The following EXTL3 variants were observed in gnomAD, a reference collection of about 807,000 sequenced individuals.
EXTL3 encodes exostosin-like 3.
A neutral mutation model predicts 69.3 loss-of-function variants in EXTL3; 27 were observed. The ratio of observed to expected loss-of-function variants is 0.39; its 90% CI spans 0.29 to 0.54. The LOEUF (loss-of-function observed/expected upper bound fraction) is 0.54. EXTL3 is among the 20% of genes least tolerant of loss of function. The pLI, the probability that EXTL3 is intolerant of heterozygous loss-of-function variation, is 0.69. For missense variants in EXTL3, 1,003 were observed against 1,231.8 expected (o/e 0.81, Z 2.78); for synonymous variants, 511 against 499.4 (o/e 1.02, Z -0.31).
intron 1 of EXTL3, among the ~76,000 whole-genome samples, chr8:28,675,974 A>C (rs1021634295): frequency 6.8e-6 from 1 of 147,276 alleles, no homozygotes; most frequent in African/African-American, 2.5e-5. Context: ...GTGAGCCAAG[A>C]TCATGCCACT....
At position 28,716,363 on chromosome 8, in the gene EXTL3, G is replaced by C; in HGVS notation, c.304G>C (p.Glu102Gln). 2 of 1,614,046 alleles carry C rather than the reference G, an allele frequency of 1.2e-6. No homozygotes were observed. Among genetic ancestry groups the C allele is most frequent in the South Asian group, 1.1e-5 (1 of 91,080 alleles). ...CCTGCAGCTGGAGGCCAAGCGCCAA[G>C]AGCTGAACAGCGAGATCGCCAAGCT... Reference protein sequence around the residue: ...ELLQLEAKRQELNSEIAKLNL... With the variant: ...ELLQLEAKRQQLNSEIAKLNL... Residue 102 changes from glutamate (E) to glutamine (Q), a missense_variant, in exon 3 of 7, where the codon GAG becomes CAG. Glu to Gln is a conservative substitution (Grantham distance 29). Around this residue, in one of 2 missense-constraint regions of EXTL3, gnomAD observed 742 missense variants for 815.4 expected, o/e 0.91. Transcript: ENST00000220562. This position sits in a 1 kb window ranked among gnomAD's most constrained non-coding sequence, Gnocchi z 7.1.
At chr8:28,661,855 A>C (rs1807121065) in intron 1 of EXTL3, among the ~76,000 whole-genome samples, 3 of 151,974 alleles carry the variant, frequency 2.0e-5, no homozygotes, top group African/African-American at 7.2e-5. Flanking sequence ...ACTGCACTCC[A>C]GCCTGGGCAA....
chr8:28,670,783 A>C (rs1807273639), intron 1 of EXTL3, among the ~76,000 whole-genome samples: 2 of 152,180 alleles, frequency 1.3e-5, no homozygotes, highest in South Asian at 4.1e-4. Context: ...CACCTGAATA[A>C]CGTCTGACCC....
rs1807111167 is a variant in EXTL3 at position 28,661,331 on chromosome 8, G to A, written c.-53+38521G>A. On this transcript the variant is annotated intron_variant, in intron 1 of 6. Coordinates refer to the EXTL3 transcript ENST00000523149. ...ATTCATGTTGAGGCTTTATGTATATGAGCTTTATGTTTTATATATATATAT... is the reference window on the plus strand; with the variant it reads ...ATTCATGTTGAGGCTTTATGTATATAAGCTTTATGTTTTATATATATATAT... Among the ~76,000 whole-genome samples the A allele has an allele frequency of 2.0e-5, 3 of 151,298 alleles. No individual in the cohort carries two copies. In the Admixed American group the frequency reaches 2.0e-4, roughly 10 times the overall value.
intron 1 of EXTL3, among the ~76,000 whole-genome samples, chr8:28,636,598 G>A (rs376491043): frequency 3.9e-5 from 6 of 152,334 alleles, no homozygotes; most frequent in African/African-American, 1.4e-4. Context: ...CACAGTTTGA[G>A]TTGGTTTTTT....
chr8:28,670,943 C>T (rs1456968363), intron 1 of EXTL3, among the ~76,000 whole-genome samples: 1 of 151,552 alleles, frequency 6.6e-6, no homozygotes, highest in South Asian at 2.1e-4. Flanking sequence ...AATCTTTACT[C>T]CCTTTCCTGA....
At chr8:28,626,268 A>G (rs1806490067) in intron 1 of EXTL3, among the ~76,000 whole-genome samples, 1 of 152,158 alleles carries the variant, frequency 6.6e-6, no homozygotes, top group African/African-American at 2.4e-5. Flanking sequence ...GACTAAAGAA[A>G]GAGGACGGGG....
intron 1 of EXTL3, among the ~76,000 whole-genome samples, chr8:28,639,702 A>G (rs980275165): frequency 2.0e-5 from 3 of 152,318 alleles, no homozygotes; most frequent in African/African-American, 4.8e-5. Flanking sequence ...CAAGTTAGAC[A>G]TAACTTCACC....
At position 28,753,426 on chromosome 8, in the gene EXTL3, G is replaced by A. The variant is rs570753212; in HGVS notation, c.*2560G>A. The A allele has an allele frequency of 1.3e-5, 2 of 152,696 alleles. No homozygotes were observed. Among genetic ancestry groups the A allele is most frequent in the South Asian group, 2.1e-4 (1 of 4,832 alleles). 9.5% of individuals were successfully genotyped at this position (152,696 alleles called of 1,614,324 possible). Reference sequence around the variant, plus strand: ...ATAACACCGTCCCAGGGCTCTGCAGGCCACTGTGAGCGCTGGCTCCCTGGG... The same window carrying A: ...ATAACACCGTCCCAGGGCTCTGCAGACCACTGTGAGCGCTGGCTCCCTGGG... On this transcript the variant is annotated 3_prime_UTR_variant, in exon 7 of 7. Transcript: ENST00000220562.
upstream of EXTL3, among the ~76,000 whole-genome samples, chr8:28,617,915 A>G (rs942986613): frequency 3.3e-5 from 5 of 152,352 alleles, no homozygotes; most frequent in African/African-American, 9.6e-5. Flanking sequence ...GCACGATTCC[A>G]TTTATATGAA....
At chr8:28,690,072 A>G (rs1024508769) in intron 1 of EXTL3, among the ~76,000 whole-genome samples, 2 of 152,212 alleles carry the variant, frequency 1.3e-5, no homozygotes, top group Non-Finnish European at 2.9e-5. Context: ...TGGCTGAAAT[A>G]GGATAAAAGG....
chr8:28,726,879 C>CTTTTTTTTTTTTTTTTT (rs11458194), intron 3 of EXTL3, among the ~76,000 whole-genome samples: 1 of 99,946 alleles, frequency 1.0e-5, no homozygotes, highest in African/African-American at 4.1e-5. Context: ...CTTTTCTTTT[C>CTTTTTTTTTTTTTTTTT]TTTTTTTTTT....
intron 1 of EXTL3, among the ~76,000 whole-genome samples, chr8:28,702,216 G>C (rs963477261): frequency 6.6e-6 from 1 of 152,062 alleles, no homozygotes; most frequent in African/African-American, 2.4e-5. Flanking sequence ...TCTTTTTGCC[G>C]GGCTCGCCTC....
rs1468569249 is a variant in EXTL3, at chr8:28,682,506, G to A, written c.-52-30951G>A. Among the ~76,000 whole-genome samples, 6 of 151,920 alleles carry A rather than the reference G, an allele frequency of 3.9e-5. No individual in the cohort carries two copies. In the East Asian group the frequency reaches 9.6e-4, roughly 24 times the overall value. On this transcript the variant is annotated intron_variant, in intron 1 of 6. Transcript: ENST00000523149. ...TGCCCAGGCTGGAGTGCAATTGTGC[G>A]ATCTCGGCTCACTGCAACCACTGCT...
chr8:28,715,915 G>GT lies in EXTL3; in HGVS notation c.-143dup, dbSNP rs1351907191. 27 of 662,250 alleles carry GT rather than the reference G, an allele frequency of 4.1e-5. No individual in the cohort carries two copies. The East Asian group carries it at 7.0e-4, about 17-fold the overall frequency. The allele number at this position is 662,250 out of a possible 1,614,324, so 41.0% of individuals were successfully genotyped here. A position where few individuals can be genotyped will look rare whatever the true frequency, so the allele number is the denominator to read the frequency against. On this transcript the variant is annotated 5_prime_UTR_variant, in exon 3 of 7. An upstream open reading frame in the 5' UTR loses its in-frame stop. Transcript: ENST00000220562. ...CAGCTGCAGCTGAGGAAAATGAAAT[G>GT]TTCATTTTATTTGGTGCCTTGTCTG...
At chr8:28,720,095 A>G (rs1801264029) in intron 3 of EXTL3, among the ~76,000 whole-genome samples, 1 of 152,150 alleles carries the variant, frequency 6.6e-6, no homozygotes, top group Non-Finnish European at 1.5e-5. Context: ...TCCATCCTGT[A>G]AATATTGTGG....
intron 1 of EXTL3, among the ~76,000 whole-genome samples, chr8:28,656,390 T>C (rs1274279746): frequency 6.6e-6 from 1 of 152,190 alleles, no homozygotes; most frequent in Non-Finnish European, 1.5e-5. Context: ...TTTAAACTCC[T>C]GACCTCAAGT....
intron 3 of EXTL3, among the ~76,000 whole-genome samples, chr8:28,727,305 G>A (rs1801434859): frequency 6.6e-6 from 1 of 152,172 alleles, no homozygotes; most frequent in Non-Finnish European, 1.5e-5. Flanking sequence ...GGCGCCCTGT[G>A]TTCCTGGAGT....
Position 28,743,109 on chromosome 8 carries a change from T to G in EXTL3, c.2445T>G (p.Tyr815Ter). The G allele has an allele frequency of 6.2e-7, 1 of 1,614,192 alleles. No homozygotes were observed. The highest frequency in any genetic ancestry group is 8.5e-7 in the Non-Finnish European group (1 of 1,179,996). Reference protein sequence around the residue: ...FHKYYAYLYSYVMPQAIRDMV... With the variant: ...FHKYYAYLYS The stretch of plus-strand genomic sequence containing the variant: ...AGTATTATGCCTACCTGTATTCTTA[T>G]GTGATGCCCCAGGCCATCCGGGACA... The change falls in exon 6 of 7, where the codon TAT (tyrosine) becomes TAG (stop). Residue 815 changes from tyrosine to a stop codon, truncating the protein, a stop_gained. Coordinates refer to ENST00000220562, the MANE Select transcript of EXTL3 (RefSeq NM_001440.4). LOFTEE classifies it high-confidence loss of function.
Sources: gnomAD v4.1 joint callset for allele counts (sites outside exome capture counted in the v4.1 genomes callset) on GRCh38, gnomAD v4.1.1 for gene constraint, gnomAD v4.1.1 regional missense constraint, Gnocchi (gnomAD v3.1) non-coding constraint, MANE v1.5 for transcripts, NCBI Gene and HGNC (gene_info 2026-07-23, HGNC 2026-07-21) for gene names.